RNF114: variants seen among roughly 807,000 people sequenced by gnomAD.
RNF114 encodes E3 ubiquitin-protein ligase RNF114.
In RNF114, 6 loss-of-function variants were observed where a neutral mutation model predicts 28.4. That is an observed-to-expected ratio of 0.21 (90% confidence interval 0.12 to 0.42). RNF114 has a LOEUF of 0.42. Among genes scored for constraint, RNF114 ranks in the 10% least tolerant of loss-of-function variants. The pLI, the probability that RNF114 is intolerant of heterozygous loss-of-function variation, is 1.00. For synonymous variants in RNF114, 115 were observed against 116.7 expected (o/e 0.99, Z 0.09); for missense variants, 249 against 311.7 (o/e 0.80, Z 1.51).
chr20:49,950,039 C>T (rs1192994593), intron 5 of RNF114, among the ~76,000 whole-genome samples: 2 of 146,328 alleles, frequency 1.4e-5, no homozygotes, highest in Admixed American at 6.8e-5. Flanking sequence ...ATCCTGAGGT[C>T]GGGGGTTCGA....
At chr20:49,949,127 ACTGGCC>A in intron 4 of RNF114, 115 bp from the exon 5 acceptor site, 1 of 729,214 alleles carries the variant, frequency 1.4e-6, no homozygotes, top group South Asian at 1.6e-5. Flanking sequence ...GGAAGGAGTT[ACTGGCC>A]CTGGACAGTA....
Position 49,936,480 on chromosome 20 carries a change from C to T in RNF114, c.68C>T (p.Pro23Leu), listed in dbSNP as rs781233035. 4.5e-6 allele frequency: 7 copies of T among 1,562,104 alleles called. No homozygotes were observed. Among genetic ancestry groups the T allele is most frequent in the Admixed American group, 1.9e-5 (1 of 52,254 alleles). ...GCGGGGCCGGCGGCGGAGGCTGACCCCCTAGGACGCTTCACGTGTCCCGTG... is the reference window on the plus strand; with the variant it reads ...GCGGGGCCGGCGGCGGAGGCTGACCTCCTAGGACGCTTCACGTGTCCCGTG... Reference protein sequence around the residue: ...QLAGPAAEADPLGRFTCPVCL... With the variant: ...QLAGPAAEADLLGRFTCPVCL... The change falls in exon 1 of 6, where the codon CCC (proline) becomes CTC (leucine). Residue 23 changes from proline (P) to leucine (L), a missense_variant. Transcript: ENST00000244061.
intron 5 of RNF114, among the ~76,000 whole-genome samples, chr20:49,950,025 G>A (rs1010435729): frequency 9.9e-5 from 15 of 151,672 alleles, no homozygotes; most frequent in Non-Finnish European, 2.1e-4. Flanking sequence ...GCCGAGGTGG[G>A]CGGATCCTGA....
At chr20:49,939,672 C>T (rs530736384) in intron 1 of RNF114, among the ~76,000 whole-genome samples, 16 of 152,074 alleles carry the variant, frequency 1.1e-4, no homozygotes, top group South Asian at 4.2e-4. Context: ...TCATCCCCTG[C>T]TGCTTCAGTC....
At position 49,945,379 on chromosome 20, in the gene RNF114, G is replaced by T. The variant is rs1415545077; in HGVS notation, c.292-3G>T. 1 of 1,592,564 alleles carries T rather than the reference G, an allele frequency of 6.3e-7. No individual in the cohort carries two copies. The highest frequency in any genetic ancestry group is 8.6e-7 in the Non-Finnish European group (1 of 1,160,464). ...TTATGGGCTCTGATTCTTCCTATTT[G>T]AGTTCTTCCTGTCCAAGATCCGGTC... On this transcript the variant is annotated splice_polypyrimidine_tract_variant and splice_region_variant and intron_variant, in intron 2 of 5. Coordinates refer to ENST00000244061, the MANE Select transcript of RNF114 (RefSeq NM_018683.4).
chr20:49,950,483 C>G lies in RNF114; in HGVS notation c.621+1128C>G, dbSNP rs1476523081. 4.6e-5 allele frequency among the ~76,000 whole-genome samples: 7 copies of G among 151,954 alleles called. No homozygotes were observed. In the East Asian group the frequency reaches 1.3e-3, roughly 29 times the overall value. Reference sequence around the variant, plus strand: ...ATCGCTTGAGCTCAGGAGTTCGAGACCAGCCTGGGCAACATGGGAAAACCT... The same window carrying G: ...ATCGCTTGAGCTCAGGAGTTCGAGAGCAGCCTGGGCAACATGGGAAAACCT... On this transcript the variant is annotated intron_variant, in intron 5 of 5. Coordinates refer to ENST00000244061, the MANE Select transcript of RNF114 (RefSeq NM_018683.4).
At chr20:49,945,559 GGGT>G in intron 3 of RNF114, 71 bp downstream of exon 3, 1 of 443,588 alleles carries the variant, frequency 2.3e-6, no homozygotes, top group Non-Finnish European at 3.9e-6. Flanking sequence ...GCATGCCCAG[GGGT>G]TTAGTTGTAT....
In RNF114 at chr20:49,941,628, G is replaced by T. The variant is rs549059024; in HGVS notation, c.208G>T (p.Ala70Ser). The T allele has an allele frequency of 3.1e-6, 5 of 1,612,788 alleles. No individual in the cohort carries two copies. Among genetic ancestry groups the T allele is most frequent in the Non-Finnish European group, 4.2e-6 (5 of 1,179,492 alleles). ...KKPVCGVCRS[A>S]LAPGVRAVEL... Reference sequence around the variant, plus strand: ...GCCTGTCTGTGGGGTGTGTCGCAGCGCTCTGGCACCTGGCGTCCGAGCCGT... The same window carrying T: ...GCCTGTCTGTGGGGTGTGTCGCAGCTCTCTGGCACCTGGCGTCCGAGCCGT... Residue 70 changes from alanine (A) to serine (S), a missense_variant, in exon 2 of 6, where the codon GCT (alanine) becomes TCT (serine). Physicochemically the swap from Ala to Ser is moderately conservative, Grantham distance 99. Coordinates refer to ENST00000244061, the MANE Select transcript of RNF114 (RefSeq NM_018683.4).
chr20:49,939,995 A>G (rs2090301149), intron 1 of RNF114, among the ~76,000 whole-genome samples: 1 of 143,388 alleles, frequency 7.0e-6, no homozygotes, highest in African/African-American at 2.5e-5. Flanking sequence ...CAGATTTTGC[A>G]GTGAGCCGAG....
chr20:49,950,286 C>A (rs2090350467), intron 5 of RNF114, among the ~76,000 whole-genome samples: 1 of 151,192 alleles, frequency 6.6e-6, no homozygotes, highest in Admixed American at 6.6e-5. Flanking sequence ...GTCTTTGAGA[C>A]AGAGACAGTG....
intron 1 of RNF114, among the ~76,000 whole-genome samples, chr20:49,940,096 A>G (rs1003866536): frequency 1.3e-5 from 2 of 148,940 alleles, no homozygotes; most frequent in African/African-American, 2.5e-5. Flanking sequence ...TTTGTTTTCC[A>G]TGATAGCACA....
chr20:49,947,212 TGCCCCCCCCCCC>T (rs2090335764), intron 4 of RNF114, among the ~76,000 whole-genome samples: 1 of 10,666 alleles, frequency 9.4e-5, no homozygotes, highest in African/African-American at 6.8e-4. Flanking sequence ...AGAACAAAAC[TGCCCCCCCCCCC>T]CCCCCCCCCC....
chr20:49,945,530 C>A (rs1373930791), intron 3 of RNF114, 42 bp downstream of exon 3: 2 of 1,193,644 alleles, frequency 1.7e-6, no homozygotes, highest in Non-Finnish European at 2.4e-6. Flanking sequence ...TCATCTCTTG[C>A]TATTAATACA....
chr20:49,951,983 G>GGATCCAGTTGCTAGGCTGTCCTGCTTCT, intron 5 of RNF114, 93 bp from the exon 6 acceptor site: 1 of 1,068,078 alleles, frequency 9.4e-7, no homozygotes, highest in Non-Finnish European at 1.4e-6. Flanking sequence ...AACCTGCTCC[G>GGATCCAGTTGCTAGGCTGTCCTGCTTCT]GATCCAGTTG....
At chr20:49,937,481 G>A (rs899071009) in intron 1 of RNF114, among the ~76,000 whole-genome samples, 4 of 152,166 alleles carry the variant, frequency 2.6e-5, no homozygotes, top group Admixed American at 2.0e-4. Flanking sequence ...CCTGCAGCGG[G>A]GGAGGGTTGG....
At chr20:49,941,966 T>C (rs1263228687) in intron 2 of RNF114, 4 of 444,264 alleles carry the variant, frequency 9.0e-6, no homozygotes, top group Admixed American at 9.1e-5. Context: ...AGTTTTTTCC[T>C]ATAAAAGATC....
At chr20:49,939,345 A>G (rs1463991515) in intron 1 of RNF114, among the ~76,000 whole-genome samples, 1 of 152,166 alleles carries the variant, frequency 6.6e-6, no homozygotes, top group African/African-American at 2.4e-5. Flanking sequence ...ATTTTGCCTA[A>G]CAGCATTAAC....
intron 2 of RNF114, among the ~76,000 whole-genome samples, chr20:49,942,859 A>G (rs1248004792): frequency 2.6e-5 from 4 of 152,228 alleles, no homozygotes; most frequent in Non-Finnish European, 4.4e-5. Flanking sequence ...CGAAAGCTGC[A>G]TAACATTTTC....
intron 1 of RNF114, among the ~76,000 whole-genome samples, chr20:49,937,081 T>G (rs2090290188): frequency 1.3e-5 from 2 of 152,170 alleles, no homozygotes. Flanking sequence ...GGGTGGGAGT[T>G]GGCAGATGGG....
Sources: gnomAD v4.1 joint callset for allele counts (sites outside exome capture counted in the v4.1 genomes callset) on GRCh38, gnomAD v4.1.1 for gene constraint, MANE v1.5 for transcripts, NCBI Gene and HGNC (gene_info 2026-07-23, HGNC 2026-07-21) for gene names.